The following SQSTM1 variants were observed in gnomAD, a reference collection of about 807,000 sequenced individuals.
The protein encoded by SQSTM1 is sequestosome 1.
SQSTM1 carries 36 observed loss-of-function variants against 45.1 expected under a neutral mutation model. The ratio of observed to expected loss-of-function variants is 0.80; its 90% CI spans 0.61 to 1.05. The LOEUF is 1.05. SQSTM1 is among the 50% of genes least tolerant of loss of function. The pLI, the probability that SQSTM1 is intolerant of heterozygous loss-of-function variation, is 0.00. For synonymous variants in SQSTM1, 290 were observed against 244.3 expected (o/e 1.19, Z -1.74); for missense variants, 617 against 607.1 (o/e 1.02, Z -0.17).
At chr5:179,825,114 A>T (rs368242293) in intron 4 of SQSTM1, 32 bp from the exon 5 acceptor site, 24 of 1,607,840 alleles carry the variant, frequency 1.5e-5, no homozygotes, top group Middle Eastern at 1.6e-4. Context: ...GGCATTAAAG[A>T]TATCTTTATC....
Position 179,833,603 on chromosome 5 carries a change from A to T in SQSTM1, c.986A>T (p.Asp329Val). The T allele has an allele frequency of 6.2e-7, 1 of 1,614,172 alleles. No individual in the cohort carries two copies. Among genetic ancestry groups the T allele is most frequent in the South Asian group, 1.1e-5 (1 of 91,076 alleles). Residue 329 changes from aspartate to valine, a missense_variant, in exon 7 of 8, where the codon GAT becomes GTT. Physicochemically the swap from Asp to Val is radical, Grantham distance 152. Coordinates refer to ENST00000389805, the MANE Select transcript of SQSTM1 (RefSeq NM_003900.5). Reference sequence around the variant, plus strand: ...TTGTTCCAGGAACAGATGGAGTCGGATAACTGTTCAGGAGGAGATGATGAC... The same window carrying T: ...TTGTTCCAGGAACAGATGGAGTCGGTTAACTGTTCAGGAGGAGATGATGAC... ...EGRPEEQMES[D>V]NCSGGDDDWT... is the part of the protein sequence containing the mutation.
rs10688915 is a variant in SQSTM1 at position 179,836,767 on chromosome 5, CTGTGTG to C, written c.*183_*188del. On this transcript the variant is annotated 3_prime_UTR_variant, in exon 8 of 8. Transcript: ENST00000389805. ...AACAAGTGACATGAAGGGAGGGTCCCTGTGTGTGTGTGTGCTGATGTTTCCTGGGTG... is the reference window on the plus strand; with the variant it reads ...AACAAGTGACATGAAGGGAGGGTCCCTGTGTGTGCTGATGTTTCCTGGGTG... 2.1e-6 allele frequency: 2 copies of C among 944,756 alleles called. No homozygotes were observed. The highest frequency in any genetic ancestry group is 1.4e-5 in the South Asian group (1 of 72,458). 58.5% of individuals were successfully genotyped at this position (944,756 alleles called of 1,614,324 possible).
At chr5:179,833,376 G>C (rs941521079) in intron 6 of SQSTM1, 130 bp downstream of exon 6, 2 of 1,054,568 alleles carry the variant, frequency 1.9e-6, no homozygotes, top group Non-Finnish European at 2.8e-6. Flanking sequence ...CTGCTGCAGT[G>C]ATGTCTGTGC....
In SQSTM1 at chr5:179,838,013, G is replaced by A; in HGVS notation, c.*1420G>A. On this transcript the variant is annotated 3_prime_UTR_variant, in exon 8 of 8. Transcript: ENST00000389805. ...ACTTTCTGCTGGAAGCTGTCAGGCTGGGACAGGCTTTGATTTTGAGGGTTA... is the reference window on the plus strand; with the variant it reads ...ACTTTCTGCTGGAAGCTGTCAGGCTAGGACAGGCTTTGATTTTGAGGGTTA... 1.2e-6 allele frequency: 1 copy of A among 861,032 alleles called. No homozygotes were observed. Among genetic ancestry groups the A allele is most frequent in the Non-Finnish European group, 1.8e-6 (1 of 570,084 alleles). 53.3% of individuals were successfully genotyped at this position (861,032 alleles called of 1,614,324 possible).
At chr5:179,821,188 G>C in intron 1 of SQSTM1, 47 bp downstream of exon 1, 1 of 1,319,394 alleles carries the variant, frequency 7.6e-7, no homozygotes, top group South Asian at 2.0e-5. Context: ...GGCCGGACAC[G>C]GCCTCCTGCC....
rs927580644 is a variant in SQSTM1, at chr5:179,822,511, C to A, written c.206-447C>A. On this transcript the variant is annotated intron_variant, in intron 1 of 7. Coordinates refer to ENST00000389805, the MANE Select transcript of SQSTM1 (RefSeq NM_003900.5). ...TTAGGGAAGGAAGCAGGCAGATGCC[C>A]TTGTCTTCTCCTTTACTCCCAAGCC... 4.0e-5 allele frequency: 11 copies of A among 273,836 alleles called. 1 individual carries two copies. Among genetic ancestry groups the A allele is most frequent in the East Asian group, 2.7e-4 (3 of 11,090 alleles). The allele number at this position is 273,836 out of a possible 1,614,324, so 17.0% of individuals were successfully genotyped here.
At chr5:179,833,528 T>G (rs155788) in intron 6 of SQSTM1, 59 bp from the exon 7 acceptor site, 1 of 1,577,584 alleles carries the variant, frequency 6.3e-7, no homozygotes, top group East Asian at 2.2e-5. Context: ...GCCAGGGCCA[T>G]GGTCAGGCTT....
At chr5:179,821,287 C>T (rs1757764575) in intron 1 of SQSTM1, 146 bp downstream of exon 1, 2 of 838,956 alleles carry the variant, frequency 2.4e-6, no homozygotes, top group East Asian at 3.4e-5. Context: ...CGGTGGCCTG[C>T]ATGGGTCCCC....
At chr5:179,808,033 C>G (rs1757256508) in intron 1 of SQSTM1, 1 of 152,300 alleles carries the variant, frequency 6.6e-6, no homozygotes, top group Non-Finnish European at 1.5e-5. Context: ...GGCCCAGCGC[C>G]GCCTCTGGGC....
At position 179,823,859 on chromosome 5, in the gene SQSTM1, GAA is replaced by G. The variant is rs1008679317; in HGVS notation, c.308_309del (p.Lys103ArgfsTer49). The G allele has an allele frequency of 6.2e-7, 1 of 1,611,382 alleles. No individual in the cohort carries two copies. The highest frequency in any genetic ancestry group is 1.1e-5 in the South Asian group (1 of 91,050). ...CGGCTCTCTTTACCCTTCCTGTAGA[GAA>G]AAAAGAGTGCCGGCGGGACCACCGC... Reference protein sequence around the residue: ...DDIFRIYIKEKKECRRDHRPP... With the variant: ...DDIFRIYIKEXKECRRDHRPP... On this transcript the variant is annotated frameshift_variant and splice_region_variant, in exon 3 of 8. Coordinates refer to ENST00000389805, the MANE Select transcript of SQSTM1 (RefSeq NM_003900.5). LOFTEE classifies it high-confidence loss of function.
At chr5:179,836,071 A>G (rs1198684472) in intron 7 of SQSTM1, 20 of 373,746 alleles carry the variant, frequency 5.4e-5, no homozygotes, top group South Asian at 5.1e-4. Flanking sequence ...TCCATCTTCA[A>G]TCTATTTCAA....
intron 4 of SQSTM1, 76 bp from the exon 5 acceptor site, chr5:179,825,070 G>C: frequency 2.0e-6 from 3 of 1,480,596 alleles, no homozygotes; most frequent in South Asian, 2.3e-5. Flanking sequence ...AGGGACCTTG[G>C]CAAGAAGGTG....
chr5:179,823,203 C>A lies in SQSTM1; in HGVS notation c.301+150C>A. 3 of 792,220 alleles carry A rather than the reference C, an allele frequency of 3.8e-6. No homozygotes were observed. In the South Asian group the frequency reaches 4.4e-5, roughly 12 times the overall value. 49.1% of individuals were successfully genotyped at this position (792,220 alleles called of 1,614,324 possible). On this transcript the variant is annotated intron_variant, in intron 2 of 7. Coordinates refer to ENST00000389805, the MANE Select transcript of SQSTM1 (RefSeq NM_003900.5). ...AGAGACATAGGCCAGGTGTGGCTCA[C>A]GCCTGTAATTCCAGCACTTTGGGAG...
intron 5 of SQSTM1, among the ~76,000 whole-genome samples, chr5:179,832,729 C>T: frequency 6.6e-6 from 1 of 152,192 alleles, no homozygotes; most frequent in East Asian, 1.9e-4. Flanking sequence ...GGTCCAGTAT[C>T]ATGGGCCCAC....
In SQSTM1 at chr5:179,820,970, G is replaced by C. The variant is rs748465743; in HGVS notation, c.34G>C (p.Gly12Arg). 1.5e-5 allele frequency: 24 copies of C among 1,575,676 alleles called. No individual in the cohort carries two copies. Among genetic ancestry groups the C allele is most frequent in the Non-Finnish European group, 2.0e-5 (23 of 1,169,630 alleles). Residue 12 changes from glycine to arginine, a missense_variant, in exon 1 of 8, where the codon GGC becomes CGC. Physicochemically the swap from Gly to Arg is moderately radical, Grantham distance 125. Transcript: ENST00000389805. Reference protein sequence around the residue: ...ASLTVKAYLLGKEDAAREIRR... With the variant: ...ASLTVKAYLLRKEDAAREIRR... ...GCTCACCGTGAAGGCCTACCTTCTGGGCAAGGAGGACGCGGCGCGCGAGAT... is the reference window on the plus strand; with the variant it reads ...GCTCACCGTGAAGGCCTACCTTCTGCGCAAGGAGGACGCGGCGCGCGAGAT...
Position 179,821,020 on chromosome 5 carries a change from C to T in SQSTM1, c.84C>T (p.Ser28=), listed in dbSNP as rs759823891. 8.9e-6 allele frequency: 14 copies of T among 1,565,830 alleles called. No individual in the cohort carries two copies. In the East Asian group the frequency reaches 2.0e-4, roughly 22 times the overall value. The change falls in exon 1 of 8, where the codon AGC becomes AGT. Residue 28 remains serine (S), a synonymous_variant. Coordinates refer to ENST00000389805, the MANE Select transcript of SQSTM1 (RefSeq NM_003900.5). ...REIRRFSFCC[S]PEPEAEAEAA... is the part of the protein sequence containing the mutation. Reference sequence around the variant, plus strand: ...TTCGCCGCTTCAGCTTCTGCTGCAGCCCCGAGCCTGAGGCGGAAGCCGAGG... The same window carrying T: ...TTCGCCGCTTCAGCTTCTGCTGCAGTCCCGAGCCTGAGGCGGAAGCCGAGG...
At chr5:179,829,773 G>C (rs974158122) in intron 5 of SQSTM1, among the ~76,000 whole-genome samples, 1 of 152,174 alleles carries the variant, frequency 6.6e-6, no homozygotes, top group Non-Finnish European at 1.5e-5. Flanking sequence ...ATAGAAAACT[G>C]AAAGGAGGAA....
chr5:179,829,607 T>C (rs945548093), intron 5 of SQSTM1, among the ~76,000 whole-genome samples: 3 of 151,536 alleles, frequency 2.0e-5, no homozygotes, highest in African/African-American at 7.3e-5. Flanking sequence ...AATTAAAAAA[T>C]AGAAAAAAAA....
upstream of SQSTM1, chr5:179,818,912 T>A (rs984188556): frequency 2.0e-5 from 3 of 152,356 alleles, no homozygotes; most frequent in African/African-American, 7.3e-5. Flanking sequence ...TGGGACTGCA[T>A]CGGGAAAGGG....
Sources: gnomAD v4.1 joint callset for allele counts (sites outside exome capture counted in the v4.1 genomes callset) on GRCh38, gnomAD v4.1.1 for gene constraint, MANE v1.5 for transcripts, NCBI Gene and HGNC (gene_info 2026-07-23, HGNC 2026-07-21) for gene names.